The following ECHDC1 variants were observed in gnomAD, a reference collection of about 807,000 sequenced individuals.
ECHDC1 encodes the protein ethylmalonyl-CoA decarboxylase.
ECHDC1 carries 29 observed loss-of-function variants against 29.7 expected under a neutral mutation model. The ratio of observed to expected loss-of-function variants is 0.98; its 90% confidence interval spans 0.73 to 1.33. ECHDC1 has a LOEUF of 1.33. Ranked by LOEUF, ECHDC1 falls within the 40% of genes most tolerant of loss-of-function variation. The pLI, the probability that ECHDC1 is intolerant of heterozygous loss-of-function variation, is 0.00. For synonymous variants in ECHDC1, 126 were observed against 123.1 expected (o/e 1.02, Z -0.15); for missense variants, 328 against 350.0 (o/e 0.94, Z 0.50).
In ECHDC1 at chr6:127,289,968, C is replaced by T. The variant is rs767144628; in HGVS notation, c.807G>A (p.Leu269=). The T allele has an allele frequency of 3.1e-6, 5 of 1,613,522 alleles. No individual in the cohort carries two copies. In the Admixed American group the frequency reaches 6.7e-5, roughly 22 times the overall value. ...KSVCSGRELY[L]EEALQNERDL... ...CTCTTTCGTTCTGTAATGCTTCCTC[C>T]AAATATAGCTCTCTGCCTGAACAAA... Residue 269 remains leucine (L), a synonymous_variant, in exon 6 of 6, where the codon TTG becomes TTA. Coordinates refer to ENST00000454859, the MANE Select transcript of ECHDC1 (RefSeq NM_001002030.2).
chr6:127,333,924 T>C (rs769911575), intron 1 of ECHDC1, among the ~76,000 whole-genome samples: 5 of 152,242 alleles, frequency 3.3e-5, no homozygotes, highest in Non-Finnish European at 5.9e-5. Flanking sequence ...GTTTCTATAA[T>C]GTCTAACGAA....
intron 5 of ECHDC1, among the ~76,000 whole-genome samples, chr6:127,300,054 C>T (rs1780937232): frequency 6.6e-6 from 1 of 152,240 alleles, no homozygotes; most frequent in East Asian, 1.9e-4. Context: ...TAGCTACATA[C>T]TATGATGTCT....
intron 1 of ECHDC1, chr6:127,331,745 C>T: frequency 1.3e-6 from 1 of 766,164 alleles, no homozygotes; most frequent in African/African-American, 1.9e-5. Flanking sequence ...GTCCAAGTGT[C>T]CCCTTGGAAA....
At chr6:127,305,452 T>C (rs1781369883) in intron 5 of ECHDC1, among the ~76,000 whole-genome samples, 1 of 152,102 alleles carries the variant, frequency 6.6e-6, no homozygotes, top group South Asian at 2.1e-4. Flanking sequence ...AAGAAAACGA[T>C]GTCAATGAGC....
At chr6:127,317,119 TTC>T (rs372622454) in intron 3 of ECHDC1, among the ~76,000 whole-genome samples, 1 of 152,114 alleles carries the variant, frequency 6.6e-6, no homozygotes, top group South Asian at 2.1e-4. Context: ...TATTCACCTT[TTC>T]TCTCTCCATA....
intron 5 of ECHDC1, among the ~76,000 whole-genome samples, chr6:127,291,277 T>C (rs1380569842): frequency 1.1e-4 from 1 of 9,078 alleles, no homozygotes; most frequent in Non-Finnish European, 2.0e-4. Flanking sequence ...CTCTTATACC[T>C]TTTTTTTTTT....
At chr6:127,305,922 A>T (rs868675760) in intron 5 of ECHDC1, among the ~76,000 whole-genome samples, 1 of 151,946 alleles carries the variant, frequency 6.6e-6, no homozygotes, top group Non-Finnish European at 1.5e-5. Flanking sequence ...AAACAAATAA[A>T]ATGGCAGGAG....
In ECHDC1 at chr6:127,312,493, A is replaced by G. The variant is rs145802147; in HGVS notation, c.497+2323T>C. ...TGCTCATGAGAATAAAAATTATACA[A>G]CCCACCTAGAAAATTTAAGAAACCA... is the stretch of plus-strand genomic sequence containing the variant. On this transcript the variant is annotated intron_variant, in intron 5 of 5. Coordinates refer to ENST00000454859, the MANE Select transcript of ECHDC1 (RefSeq NM_001002030.2). Among the ~76,000 whole-genome samples the G allele has an allele frequency of 3.3e-5, 5 of 152,264 alleles. No homozygotes were observed. In the East Asian group the frequency reaches 9.7e-4, roughly 29 times the overall value.
chr6:127,301,536 A>C (rs143586692), intron 5 of ECHDC1, among the ~76,000 whole-genome samples: 2 of 152,370 alleles, frequency 1.3e-5, no homozygotes, highest in African/African-American at 4.8e-5. Flanking sequence ...AATTAAAATA[A>C]TCTGTCATAG....
chr6:127,327,143 ACCTGC>A lies in ECHDC1; in HGVS notation c.221-4_221del. 1.2e-6 allele frequency: 2 copies of A among 1,611,538 alleles called. No individual in the cohort carries two copies. The highest frequency in any genetic ancestry group is 1.7e-5 in the Admixed American group (1 of 59,556). ...TTTCCAGAAGTTGTAGCATCATAAC[ACCTGC>A]CAGAGATGGAAGTGGGAAATCACAA... On this transcript the variant is annotated splice_acceptor_variant and splice_polypyrimidine_tract_variant and coding_sequence_variant and intron_variant, in exon 3 of 6. Coordinates refer to ENST00000454859, the MANE Select transcript of ECHDC1 (RefSeq NM_001002030.2). LOFTEE classifies it high-confidence loss of function.
chr6:127,316,326 A>G (rs947123901), intron 4 of ECHDC1, 124 bp downstream of exon 4: 5 of 747,366 alleles, frequency 6.7e-6, no homozygotes, highest in African/African-American at 3.6e-5. Context: ...AAAAAATAGT[A>G]CATCATTAGA....
At chr6:127,318,454 C>T (rs1193493325) in intron 3 of ECHDC1, among the ~76,000 whole-genome samples, 2 of 152,126 alleles carry the variant, frequency 1.3e-5, no homozygotes, top group Non-Finnish European at 2.9e-5. Flanking sequence ...CATTATCAGA[C>T]ACATCATCTC....
intron 5 of ECHDC1, among the ~76,000 whole-genome samples, chr6:127,297,358 A>G (rs527567123): frequency 6.6e-6 from 1 of 152,350 alleles, no homozygotes; most frequent in African/African-American, 2.4e-5. Flanking sequence ...GGCTGGAAAC[A>G]AGGGAAAAAA....
chr6:127,295,340 G>A (rs1470665622), intron 5 of ECHDC1, among the ~76,000 whole-genome samples: 1 of 152,088 alleles, frequency 6.6e-6, no homozygotes, highest in Non-Finnish European at 1.5e-5. Context: ...TATTTATATT[G>A]ATGAAAACAG....
intron 5 of ECHDC1, among the ~76,000 whole-genome samples, chr6:127,309,957 C>T (rs927856849): frequency 6.6e-6 from 1 of 152,086 alleles, no homozygotes; most frequent in Non-Finnish European, 1.5e-5. Context: ...CAATCACCTC[C>T]CACCAGACCC....
At chr6:127,335,791 C>A (rs1315740298) in intron 1 of ECHDC1, among the ~76,000 whole-genome samples, 2 of 152,036 alleles carry the variant, frequency 1.3e-5, no homozygotes, top group Non-Finnish European at 2.9e-5. Context: ...TTACAAGTTG[C>A]AAAATATCTA....
chr6:127,320,406 T>C (rs890227044), intron 3 of ECHDC1, among the ~76,000 whole-genome samples: 1 of 152,072 alleles, frequency 6.6e-6, no homozygotes, highest in Non-Finnish European at 1.5e-5. Flanking sequence ...CATAGAAACA[T>C]AAGCAACAGA....
chr6:127,306,548 C>T (rs985466477), intron 5 of ECHDC1, among the ~76,000 whole-genome samples: 2 of 152,072 alleles, frequency 1.3e-5, no homozygotes, highest in Admixed American at 1.3e-4. Flanking sequence ...AGTACCCTTC[C>T]CCTTTTCTCT....
intron 5 of ECHDC1, among the ~76,000 whole-genome samples, chr6:127,306,889 G>T (rs920961278): frequency 3.3e-5 from 5 of 152,110 alleles, no homozygotes; most frequent in Non-Finnish European, 7.4e-5. Flanking sequence ...CTTTTCCTCA[G>T]CACATGGATC....
Sources: gnomAD v4.1 joint callset for allele counts (sites outside exome capture counted in the v4.1 genomes callset) on GRCh38, gnomAD v4.1.1 for gene constraint, MANE v1.5 for transcripts, NCBI Gene and HGNC (gene_info 2026-07-23, HGNC 2026-07-21) for gene names.